Variants in LRFN5 observed in about 807,000 individuals in gnomAD.
LRFN5 encodes the protein leucine rich repeat and fibronectin type III domain containing 5.
A neutral mutation model predicts 45.6 loss-of-function variants in LRFN5; 24 were observed. That is an observed-to-expected ratio of 0.53 (90% CI 0.38 to 0.74). The LOEUF is 0.74. Among genes scored for constraint, LRFN5 ranks in the 30% least tolerant of loss-of-function variants. The pLI is 0.00. For synonymous variants in LRFN5, 340 were observed against 313.8 expected (o/e 1.08, Z -0.88); for missense variants, 776 against 861.5 (o/e 0.90, Z 1.24).
At chr14:41,618,322 G>A (rs1887991978) in intron 1 of LRFN5, among the ~76,000 whole-genome samples, 1 of 152,054 alleles carries the variant, frequency 6.6e-6, no homozygotes, top group Non-Finnish European at 1.5e-5. Context: ...ATCTGAGCTG[G>A]CCTTTTTACT....
intron 1 of LRFN5, among the ~76,000 whole-genome samples, chr14:41,674,212 C>A (rs1160056491): frequency 7.2e-6 from 1 of 138,130 alleles, no homozygotes; most frequent in Non-Finnish European, 1.6e-5. Flanking sequence ...CTGACCCCCC[C>A]ACCTCCCTCC....
chr14:41,616,672 A>G (rs990373694), intron 1 of LRFN5, among the ~76,000 whole-genome samples: 1 of 152,170 alleles, frequency 6.6e-6, no homozygotes, highest in Non-Finnish European at 1.5e-5. Context: ...TCCTGGTAGA[A>G]TGAGTCTTTT....
intron 4 of LRFN5, among the ~76,000 whole-genome samples, chr14:41,898,171 T>C (rs1472935363): frequency 6.6e-6 from 1 of 152,088 alleles, no homozygotes; most frequent in African/African-American, 2.4e-5. Flanking sequence ...CTGTGAATCC[T>C]AAGAAGGACT....
chr14:41,615,381 T>G (rs919093988), intron 1 of LRFN5, among the ~76,000 whole-genome samples: 2 of 152,162 alleles, frequency 1.3e-5, no homozygotes, highest in African/African-American at 4.8e-5. Flanking sequence ...GTGTTTGCAC[T>G]GAGTTCCTTG....
intron 4 of LRFN5, among the ~76,000 whole-genome samples, chr14:41,895,400 G>A (rs1371208304): frequency 6.6e-6 from 1 of 152,172 alleles, no homozygotes; most frequent in Non-Finnish European, 1.5e-5. Flanking sequence ...AAGATGGGCA[G>A]ATCACTTGAG....
At chr14:41,673,910 C>T (rs1455891579) in intron 1 of LRFN5, among the ~76,000 whole-genome samples, 1 of 148,252 alleles carries the variant, frequency 6.7e-6, no homozygotes, top group Admixed American at 6.6e-5. Flanking sequence ...ATCCCCCCAC[C>T]TCCCTCCCGG....
intron 1 of LRFN5, among the ~76,000 whole-genome samples, chr14:41,660,303 G>A (rs1880587300): frequency 6.6e-6 from 1 of 152,170 alleles, no homozygotes; most frequent in South Asian, 2.1e-4. Flanking sequence ...TGGGATTACA[G>A]GTGTGAGCCA....
chr14:41,674,748 C>G (rs772106629), intron 1 of LRFN5, among the ~76,000 whole-genome samples: 1 of 151,374 alleles, frequency 6.6e-6, no homozygotes, highest in Non-Finnish European at 1.5e-5. Flanking sequence ...CGGGCGGAGA[C>G]GCTCCTCACT....
rs1555326982 is a variant in LRFN5 at position 41,856,675 on chromosome 14, A to ATTTTTTTTTTTTTTTT, written c.-20-29927_-20-29912dup. Among the ~76,000 whole-genome samples the ATTTTTTTTTTTTTTTT allele has an allele frequency of 7.7e-3, 142 of 18,334 alleles. 12 individuals are homozygous for ATTTTTTTTTTTTTTTT. The highest frequency in any genetic ancestry group is 0.012 in the Non-Finnish European group (93 of 7,822). The allele number at this position is 18,334 out of a possible 152,430, so 12.0% of individuals were successfully genotyped here. A position where few individuals can be genotyped will look rare whatever the true frequency, so the allele number is the denominator to read the frequency against. On this transcript the variant is annotated intron_variant, in intron 2 of 5. Coordinates refer to ENST00000298119, the MANE Select transcript of LRFN5 (RefSeq NM_152447.5). ...TTCTTTCCTAATTATTATTATTATT[A>ATTTTTTTTTTTTTTTT]TTTTTTTTTTTTTTTTTTTGAGACG...
At chr14:41,805,775 C>T (rs1000378465) in intron 2 of LRFN5, among the ~76,000 whole-genome samples, 3 of 152,084 alleles carry the variant, frequency 2.0e-5, no homozygotes, top group African/African-American at 4.8e-5. Flanking sequence ...TACGTTAGAA[C>T]AGGAAGATGA....
rs532426835 is a variant in LRFN5, at chr14:41,817,411, G to A, written c.-21+50382G>A. 7.9e-5 allele frequency among the ~76,000 whole-genome samples: 12 copies of A among 152,198 alleles called. 1 individual carries two copies. In the South Asian group the frequency reaches 1.9e-3, roughly 24 times the overall value. ...ATGAATAGACTGTTAGTGACATGGT[G>A]GCAATGGATAGGAGTGGAGAAGCCT... On this transcript the variant is annotated intron_variant, in intron 2 of 5. Coordinates refer to ENST00000298119, the MANE Select transcript of LRFN5 (RefSeq NM_152447.5).
intron 2 of LRFN5, among the ~76,000 whole-genome samples, chr14:41,863,322 A>T (rs1889733035): frequency 6.6e-6 from 1 of 152,090 alleles, no homozygotes; most frequent in Non-Finnish European, 1.5e-5. Context: ...CTTAGGATTA[A>T]TTTGTTGTTC....
intron 2 of LRFN5, among the ~76,000 whole-genome samples, chr14:41,775,306 G>A (rs1886247926): frequency 6.6e-6 from 1 of 151,692 alleles, no homozygotes; most frequent in Admixed American, 6.6e-5. Context: ...TAGCCAGGAT[G>A]GTCTCGACTC....
At chr14:41,666,371 GA>G in intron 1 of LRFN5, among the ~76,000 whole-genome samples, 1 of 152,034 alleles carries the variant, frequency 6.6e-6, no homozygotes, top group Middle Eastern at 3.4e-3. Flanking sequence ...TTCAGCAACG[GA>G]AATGGATATT....
At chr14:41,846,699 G>T (rs1483049484) in intron 2 of LRFN5, among the ~76,000 whole-genome samples, 5 of 152,076 alleles carry the variant, frequency 3.3e-5, no homozygotes, top group African/African-American at 9.7e-5. Context: ...ATCTCACTTA[G>T]CTAAACCCCA....
intron 1 of LRFN5, among the ~76,000 whole-genome samples, chr14:41,655,504 A>G (rs1218058858): frequency 6.6e-6 from 1 of 152,060 alleles, no homozygotes. Context: ...TGAAGAGATC[A>G]TGGAGGGCCT....
intron 2 of LRFN5, among the ~76,000 whole-genome samples, chr14:41,797,251 T>C (rs969517125): frequency 1.3e-5 from 2 of 151,912 alleles, no homozygotes; most frequent in East Asian, 3.9e-4. Context: ...TGAAATTATT[T>C]ATTTATTTGG....
At chr14:41,790,731 G>A (rs1218516598) in intron 2 of LRFN5, among the ~76,000 whole-genome samples, 1 of 150,668 alleles carries the variant, frequency 6.6e-6, no homozygotes. Flanking sequence ...TAACAGTTAT[G>A]ACTAATTTAA....
intron 2 of LRFN5, among the ~76,000 whole-genome samples, chr14:41,884,448 C>T (rs927986406): frequency 1.3e-5 from 2 of 152,054 alleles, no homozygotes; most frequent in African/African-American, 4.8e-5. Context: ...GTGCTGGACA[C>T]CTCTTAACCT....
Sources: gnomAD v4.1 joint callset for allele counts (sites outside exome capture counted in the v4.1 genomes callset) on GRCh38, gnomAD v4.1.1 for gene constraint, MANE v1.5 for transcripts, NCBI Gene and HGNC (gene_info 2026-07-23, HGNC 2026-07-21) for gene names.